The following SNED1 variants were observed in gnomAD, a reference collection of about 807,000 sequenced individuals.
SNED1 encodes the protein sushi, nidogen and EGF like domains 1.
In SNED1, 81 loss-of-function variants were observed where a neutral mutation model predicts 166.7. The observed-to-expected ratio is 0.49, with a 90% CI of 0.41 to 0.58. The LOEUF is 0.58. Ranked by LOEUF, SNED1 falls within the 20% of genes least tolerant of loss-of-function variation. The pLI is 0.00. For synonymous variants in SNED1, 762 were observed against 822.0 expected, an observed-to-expected ratio of 0.93 and a Z score of 1.25; for missense variants, 1,604 against 2,000.2, an observed-to-expected ratio of 0.80 and a Z score of 3.78.
chr2:241,030,295 C>T lies in SNED1; in HGVS notation c.225C>T (p.Asn75=), dbSNP rs753706591. Residue 75 remains asparagine, a synonymous_variant, in exon 2 of 32, where the codon AAC becomes AAT. Coordinates refer to ENST00000310397, the MANE Select transcript of SNED1 (RefSeq NM_001080437.3). Reference sequence around the variant, plus strand: ...TTTCTGCCTCCCAGGTGAACAACAACGGGATCATCTCCTTCCTGAAGGAGG... The same window carrying T: ...TTTCTGCCTCCCAGGTGAACAACAATGGGATCATCTCCTTCCTGAAGGAGG... ...AEHSGLYVNN[N]GIISFLKEVS... The T allele has an allele frequency of 1.9e-5, 30 of 1,588,590 alleles. No individual in the cohort carries two copies. Among genetic ancestry groups the T allele is most frequent in the South Asian group, 3.4e-5 (3 of 87,838 alleles).
At chr2:241,027,021 T>C (rs1185716811) in intron 1 of SNED1, among the ~76,000 whole-genome samples, 2 of 152,226 alleles carry the variant, frequency 1.3e-5, no homozygotes, top group Non-Finnish European at 2.9e-5. Flanking sequence ...CTGACTGGCT[T>C]ATTTTACTTA....
At chr2:241,031,195 T>A (rs1029548671) in intron 2 of SNED1, among the ~76,000 whole-genome samples, 5 of 152,106 alleles carry the variant, frequency 3.3e-5, no homozygotes, top group African/African-American at 1.2e-4. Context: ...GATGGCGTCT[T>A]GCTCTGTCGC....
At position 241,040,414 on chromosome 2, in the gene SNED1, G is replaced by T; in HGVS notation, c.1273+1G>T. ...TTCAAGGGACTTCGCTGTGAGACAGGTAACTGGCCAAGTGCCTGCAGGCCA... is the reference window on the plus strand; with the variant it reads ...TTCAAGGGACTTCGCTGTGAGACAGTTAACTGGCCAAGTGCCTGCAGGCCA... On this transcript the variant is annotated splice_donor_variant, in intron 8 of 31. Coordinates refer to ENST00000310397, the MANE Select transcript of SNED1 (RefSeq NM_001080437.3). LOFTEE classifies it high-confidence loss of function. The T allele has an allele frequency of 6.3e-7, 1 of 1,575,516 alleles. No individual in the cohort carries two copies.
intron 26 of SNED1, chr2:241,072,400 A>G: frequency 2.8e-6 from 1 of 362,848 alleles, no homozygotes; most frequent in Non-Finnish European, 5.4e-6. Flanking sequence ...TCTGCCTGTG[A>G]TTCTGACACA....
At chr2:241,090,294 C>T in intron 31 of SNED1, 2 of 1,548,714 alleles carry the variant, frequency 1.3e-6, no homozygotes, top group South Asian at 1.2e-5. Context: ...GCAGGATCAT[C>T]CATGTCACCT....
At position 241,073,941 on chromosome 2, in the gene SNED1, C is replaced by G. The variant is rs1040220145; in HGVS notation, c.3916+577C>G. 1.3e-5 allele frequency: 2 copies of G among 157,188 alleles called. No individual in the cohort carries two copies. Among genetic ancestry groups the G allele is most frequent in the African/African-American group, 4.8e-5 (2 of 41,600 alleles). The allele number at this position is 157,188 out of a possible 1,614,324, so 9.7% of individuals were successfully genotyped here. ...TGCAGTAAGAGTTCCCAGACGCTCA[C>G]GAGGCAGTTCCCCTTCGGGCAGCAC... On this transcript the variant is annotated intron_variant, in intron 27 of 31. Transcript: ENST00000310397. The surrounding 1 kb of genome is among the most constrained non-coding windows in gnomAD (Gnocchi z 6.6).
At position 241,051,879 on chromosome 2, in the gene SNED1, G is replaced by T. The variant is rs1239839448; in HGVS notation, c.1852+19G>T. The T allele has an allele frequency of 3.9e-6, 6 of 1,520,758 alleles. No individual in the cohort carries two copies. In the East Asian group the frequency reaches 1.2e-4, roughly 31 times the overall value. The allele number at this position is 1,520,758 out of a possible 1,614,324, so 94.2% of individuals were successfully genotyped here. A position where few individuals can be genotyped will look rare whatever the true frequency, so the allele number is the denominator to read the frequency against. On this transcript the variant is annotated intron_variant, in intron 13 of 31. Coordinates refer to ENST00000310397, the MANE Select transcript of SNED1 (RefSeq NM_001080437.3). This position sits in a 1 kb window ranked among gnomAD's most constrained non-coding sequence, Gnocchi z 4.7. Reference sequence around the variant, plus strand: ...GAGATCGGTGCGGCCCCCAGGGGCAGGGGGGAGGGCAGGAACGACGGGCCA... The same window carrying T: ...GAGATCGGTGCGGCCCCCAGGGGCATGGGGGAGGGCAGGAACGACGGGCCA...
In SNED1 at chr2:241,049,824, A is replaced by G. The variant is rs781310099; in HGVS notation, c.1626A>G (p.Pro542=). 5.0e-6 allele frequency: 8 copies of G among 1,613,072 alleles called. No homozygotes were observed. The South Asian group carries it at 8.8e-5, about 18-fold the overall frequency. The stretch of plus-strand genomic sequence containing the variant: ...TCTGTCCCCCGCCCCCAGCCCTGCC[A>G]TCACCCTGCGACTCGGACCCCTGCT... ...HTDHNASHSL[P]SPCDSDPCFN... Residue 542 remains proline (P), a synonymous_variant, in exon 12 of 32, where the codon CCA becomes CCG. Coordinates refer to ENST00000310397, the MANE Select transcript of SNED1 (RefSeq NM_001080437.3).
At chr2:241,059,943 GAAGA>G (rs2062178089) in intron 16 of SNED1, among the ~76,000 whole-genome samples, 2 of 152,074 alleles carry the variant, frequency 1.3e-5, no homozygotes, top group South Asian at 4.1e-4. Context: ...GGAAGGAAAG[GAAGA>G]AAGAATTAGA....
intron 8 of SNED1, among the ~76,000 whole-genome samples, chr2:241,045,827 C>T (rs2125067657): frequency 6.6e-6 from 1 of 151,886 alleles, no homozygotes; most frequent in Admixed American, 6.5e-5. Flanking sequence ...AAATTTAAAA[C>T]TTTTGCTTTG....
intron 27 of SNED1, among the ~76,000 whole-genome samples, chr2:241,076,763 C>T (rs190001866): frequency 5.9e-5 from 9 of 151,386 alleles, no homozygotes; most frequent in African/African-American, 1.2e-4. Flanking sequence ...CAGGGCCGGG[C>T]GCGGGGGCTC....
In SNED1 at chr2:241,040,143, G is replaced by A; in HGVS notation, c.1114G>A (p.Val372Met). 1 of 1,593,216 alleles carries A rather than the reference G, an allele frequency of 6.3e-7. No individual in the cohort carries two copies. The highest frequency in any genetic ancestry group is 8.6e-7 in the Non-Finnish European group (1 of 1,168,296). Residue 372 changes from valine (V) to methionine (M), a missense_variant, in exon 7 of 32, where the codon GTG becomes ATG. By Grantham distance (21) the Val-to-Met change is conservative. Coordinates refer to ENST00000310397, the MANE Select transcript of SNED1 (RefSeq NM_001080437.3). The part of the protein sequence containing the change: ...GQCQVENGSA[V>M]CVCQAGYTGA... ...GTGCCAGGTGGAGAATGGCTCTGCG[G>A]TGTGTGTGTGCCAGGCCGGATACAC...
At chr2:241,063,854 G>A (rs775808382) in intron 18 of SNED1, among the ~76,000 whole-genome samples, 154 bp downstream of exon 18, 41 of 151,852 alleles carry the variant, frequency 2.7e-4, no homozygotes, top group Admixed American at 1.8e-3. Context: ...GGGTGGAGGT[G>A]AGGGTGCTGG....
At chr2:241,017,267 A>G (rs1574880902) in intron 1 of SNED1, among the ~76,000 whole-genome samples, 1 of 152,038 alleles carries the variant, frequency 6.6e-6, no homozygotes, top group East Asian at 1.9e-4. Context: ...AAAGCATGAG[A>G]CTCTCATGTT....
intron 3 of SNED1, 44 bp downstream of exon 3, chr2:241,033,919 C>A (rs746930140): frequency 6.5e-7 from 1 of 1,548,226 alleles, no homozygotes; most frequent in Non-Finnish European, 8.7e-7. Flanking sequence ...ACCCCTGCTC[C>A]CCACAGCCAG....
intron 31 of SNED1, 138 bp downstream of exon 31, chr2:241,088,540 T>C: frequency 1.4e-6 from 1 of 716,192 alleles, no homozygotes; most frequent in Non-Finnish European, 2.4e-6. Flanking sequence ...TGCTGCTGTG[T>C]TACAGACTCC....
Position 241,064,914 on chromosome 2 carries a change from C to A in SNED1, c.2670C>A (p.Ser890Arg). 1 of 1,586,442 alleles carries A rather than the reference C, an allele frequency of 6.3e-7. No homozygotes were observed. The highest frequency in any genetic ancestry group is 8.5e-7 in the Non-Finnish European group (1 of 1,171,658). The part of the protein sequence containing the change: ...GYCLASNGSH[S>R]CTCKVGYTGE... The stretch of plus-strand genomic sequence containing the variant: ...GCCTGGCCAGCAACGGCTCCCACAG[C>A]TGCACCTGCAAAGTGGGCTACACGG... The change falls in exon 20 of 32, where the codon AGC becomes AGA. Residue 890 changes from serine to arginine, a missense_variant. Ser to Arg is a moderately radical substitution (Grantham distance 110). Around this residue, in one of 2 missense-constraint regions of SNED1, gnomAD observed 1,237 missense variants for 1,620.8 expected, o/e 0.76. Transcript: ENST00000310397. This position sits in a 1 kb window ranked among gnomAD's most constrained non-coding sequence, Gnocchi z 7.0.
intron 24 of SNED1, chr2:241,071,271 C>T (rs1432362838): frequency 6.3e-6 from 3 of 472,608 alleles, no homozygotes; most frequent in Non-Finnish European, 7.7e-6. Flanking sequence ...TGCCCAGCCC[C>T]TTGAGAACTT....
intron 16 of SNED1, among the ~76,000 whole-genome samples, chr2:241,054,680 G>A (rs78427158): frequency 0.018 from 2,718 of 152,326 alleles, 213 homozygotes; most frequent in Admixed American, 0.12. Context: ...AAAACAGTGG[G>A]AATAAGCAGA....
Sources: allele counts gnomAD v4.1 joint callset (sites outside exome capture counted in the v4.1 genomes callset), GRCh38; gene constraint gnomAD v4.1.1; regional missense constraint gnomAD v4.1.1; non-coding constraint Gnocchi (gnomAD v3.1); transcripts MANE v1.5; gene names NCBI Gene and HGNC (gene_info 2026-07-23, HGNC 2026-07-21).